Variants in OPCML observed in about 807,000 individuals in gnomAD.
OPCML encodes opioid binding protein/cell adhesion molecule like, also known as opioid-binding protein/cell adhesion molecule.
Under a neutral mutation model 37.8 loss-of-function variants are expected in OPCML, and 13 were observed. The ratio of observed to expected loss-of-function variants is 0.34; its 90% CI spans 0.22 to 0.55. OPCML has a LOEUF of 0.55. Among genes scored for constraint, OPCML ranks in the 20% least tolerant of loss-of-function variants. The pLI is 0.91. For missense variants in OPCML, 341 were observed against 435.6 expected (o/e 0.78, Z 1.93); for synonymous variants, 176 against 168.8 (o/e 1.04, Z -0.33).
chr11:133,083,448 C>T (rs1326617119), intron 1 of OPCML, among the ~76,000 whole-genome samples: 4 of 152,216 alleles, frequency 2.6e-5, no homozygotes. Flanking sequence ...CCCCACCCCA[C>T]CCCAGCCTGG....
chr11:132,476,889 C>G (rs1340179338), intron 4 of OPCML, among the ~76,000 whole-genome samples: 1 of 151,802 alleles, frequency 6.6e-6, no homozygotes, highest in East Asian at 1.9e-4. Flanking sequence ...CCATGAATCC[C>G]ATTGTTTGAA....
intron 3 of OPCML, among the ~76,000 whole-genome samples, chr11:132,568,565 C>A (rs1388435838): frequency 6.6e-6 from 1 of 152,128 alleles, no homozygotes; most frequent in East Asian, 1.9e-4. Context: ...CGAGTGATGA[C>A]AGAGACAGAG....
At chr11:132,813,536 C>CTGTGGCAGATGGGGATACAG (rs1161128396) in intron 2 of OPCML, among the ~76,000 whole-genome samples, 1 of 152,206 alleles carries the variant, frequency 6.6e-6, no homozygotes, top group African/African-American at 2.4e-5. Flanking sequence ...CCTGCAGCAG[C>CTGTGGCAGATGGGGATACAG]AACCTTCTCC....
chr11:132,582,382 A>G (rs151282831), intron 3 of OPCML, among the ~76,000 whole-genome samples: 1,928 of 152,276 alleles, frequency 0.013, 15 homozygotes, highest in Non-Finnish European at 0.02. Context: ...AAGAAATAGA[A>G]TAGACACTGC....
chr11:133,395,640 T>C (rs1945269659), intron 1 of OPCML, among the ~76,000 whole-genome samples: 1 of 152,212 alleles, frequency 6.6e-6, no homozygotes, highest in Non-Finnish European at 1.5e-5. Context: ...TTGAAGAGAC[T>C]ATCTTTTCCC....
chr11:133,097,616 C>T (rs1187957474), intron 1 of OPCML, among the ~76,000 whole-genome samples: 3 of 152,018 alleles, frequency 2.0e-5, no homozygotes, highest in Non-Finnish European at 2.9e-5. Context: ...ACGAATAAGC[C>T]TCTAGCCAGA....
chr11:133,051,492 C>T (rs1355807573), intron 1 of OPCML, among the ~76,000 whole-genome samples: 1 of 152,158 alleles, frequency 6.6e-6, no homozygotes. Context: ...CTTCTGCATG[C>T]CTTCCAGGAG....
chr11:133,410,988 A>C (rs1323390934), intron 1 of OPCML, among the ~76,000 whole-genome samples: 1 of 152,148 alleles, frequency 6.6e-6, no homozygotes, highest in Non-Finnish European at 1.5e-5. Context: ...TTGCTTCCTC[A>C]AGCATCTTCG....
At chr11:133,062,432 C>A (rs1948361590) in intron 1 of OPCML, among the ~76,000 whole-genome samples, 1 of 152,226 alleles carries the variant, frequency 6.6e-6, no homozygotes. Context: ...ACAAATACTG[C>A]TGAGTAGTTT....
intron 1 of OPCML, among the ~76,000 whole-genome samples, chr11:133,367,055 T>A (rs565286811): frequency 2.6e-5 from 4 of 152,186 alleles, no homozygotes; most frequent in Non-Finnish European, 4.4e-5. Context: ...CTCGGTTCAA[T>A]GCAACCTCTG....
intron 2 of OPCML, among the ~76,000 whole-genome samples, chr11:132,891,575 C>T (rs1448345644): frequency 2.0e-5 from 3 of 151,926 alleles, no homozygotes; most frequent in African/African-American, 7.3e-5. Context: ...TTTATATAAA[C>T]CAGAATATAA....
chr11:132,762,787 C>T (rs1457272485), intron 2 of OPCML, among the ~76,000 whole-genome samples: 3 of 152,142 alleles, frequency 2.0e-5, no homozygotes, highest in Admixed American at 1.3e-4. Context: ...GCCCACTCGG[C>T]TCCCTGGCTT....
At chr11:133,402,144 T>A (rs538726227) in intron 1 of OPCML, among the ~76,000 whole-genome samples, 2 of 152,122 alleles carry the variant, frequency 1.3e-5, no homozygotes, top group Admixed American at 1.3e-4. Context: ...AAGTCCAAGG[T>A]TGGGGGCATG....
At chr11:132,676,488 T>TA (rs200215449) in intron 2 of OPCML, among the ~76,000 whole-genome samples, 258 of 148,712 alleles carry the variant, frequency 1.7e-3, no homozygotes, top group Middle Eastern at 7.1e-3. Context: ...AGTGAGAAAG[T>TA]AAAAAAAAAA....
intron 1 of OPCML, among the ~76,000 whole-genome samples, chr11:133,304,366 C>A (rs1209702719): frequency 6.6e-6 from 1 of 152,176 alleles, no homozygotes; most frequent in East Asian, 1.9e-4. Flanking sequence ...ACCTGACAGG[C>A]CTGGAGGACA....
At chr11:132,688,653 T>C (rs1402488017) in intron 2 of OPCML, among the ~76,000 whole-genome samples, 1 of 152,166 alleles carries the variant, frequency 6.6e-6, no homozygotes, top group African/African-American at 2.4e-5. Flanking sequence ...GGCTGCATTT[T>C]CAGCAAGAGA....
intron 2 of OPCML, among the ~76,000 whole-genome samples, chr11:132,779,357 G>A (rs1946918264): frequency 6.6e-6 from 1 of 152,070 alleles, no homozygotes; most frequent in Non-Finnish European, 1.5e-5. Flanking sequence ...TATTAGTCGA[G>A]ATAAGGGAAT....
chr11:133,426,419 G>A (rs1946003767), intron 1 of OPCML, among the ~76,000 whole-genome samples: 1 of 152,066 alleles, frequency 6.6e-6, no homozygotes, highest in Non-Finnish European at 1.5e-5. Context: ...CCCAAAAGCA[G>A]ACACAGAGAT....
Position 133,500,300 on chromosome 11 carries a change from A to G in OPCML, c.61+31964T>C, listed in dbSNP as rs568668479. Among the ~76,000 whole-genome samples, 12 of 152,260 alleles carry G rather than the reference A, an allele frequency of 7.9e-5. No individual in the cohort carries two copies. In the South Asian group the frequency reaches 2.5e-3, roughly 32 times the overall value. On this transcript the variant is annotated intron_variant, in intron 1 of 7. Coordinates refer to ENST00000524381, the MANE Select transcript of OPCML (RefSeq NM_001012393.5). ...AGGAACCAGGAGCCGGACCTACCTC[A>G]CTGAGACCCAGGTCAGTGGGGCTGT...
Sources: allele counts gnomAD v4.1 joint callset (sites outside exome capture counted in the v4.1 genomes callset), GRCh38; gene constraint gnomAD v4.1.1; transcripts MANE v1.5; gene names NCBI Gene and HGNC (gene_info 2026-07-23, HGNC 2026-07-21).